The following SYNPR variants were observed in gnomAD, a reference collection of about 807,000 sequenced individuals.
The protein encoded by SYNPR is synaptoporin.
In SYNPR, 23 loss-of-function variants were observed where a neutral mutation model predicts 32.9. The observed-to-expected ratio is 0.70, with a 90% confidence interval of 0.50 to 0.99. The LOEUF is 0.99. SYNPR is among the 50% of genes least tolerant of loss of function. SYNPR has a pLI of 0.00. For missense variants in SYNPR, 318 were observed against 349.3 expected (o/e 0.91, Z 0.71); for synonymous variants, 146 against 135.9 (o/e 1.07, Z -0.52).
intron 2 of SYNPR, among the ~76,000 whole-genome samples, chr3:63,294,690 T>C (rs954481675): frequency 1.3e-5 from 2 of 152,176 alleles, no homozygotes; most frequent in Non-Finnish European, 2.9e-5. Flanking sequence ...ATTTTTAGAA[T>C]GTCAAAGGTA....
At chr3:63,573,303 G>A (rs1702920710) in intron 4 of SYNPR, among the ~76,000 whole-genome samples, 1 of 152,136 alleles carries the variant, frequency 6.6e-6, no homozygotes, top group Non-Finnish European at 1.5e-5. Flanking sequence ...TTGAGAATTA[G>A]CTCAAACTGA....
chr3:63,457,254 C>G (rs970388190), intron 2 of SYNPR, among the ~76,000 whole-genome samples: 1 of 152,154 alleles, frequency 6.6e-6, no homozygotes, highest in Non-Finnish European at 1.5e-5. Context: ...TAAACTCTGA[C>G]TACCCCTCCC....
intron 2 of SYNPR, among the ~76,000 whole-genome samples, chr3:63,375,945 G>C (rs538040859): frequency 1.3e-5 from 2 of 152,094 alleles, no homozygotes; most frequent in South Asian, 2.1e-4. Flanking sequence ...CTTAAAACCT[G>C]CTTCTCCTCC....
chr3:63,448,049 G>T (rs976172691), intron 2 of SYNPR, among the ~76,000 whole-genome samples: 3 of 148,710 alleles, frequency 2.0e-5, no homozygotes, highest in Non-Finnish European at 4.5e-5. Flanking sequence ...TGCCTCCCAG[G>T]CTGGAGTGCA....
intron 2 of SYNPR, among the ~76,000 whole-genome samples, chr3:63,345,441 C>A (rs1165611364): frequency 6.6e-6 from 1 of 152,202 alleles, no homozygotes; most frequent in African/African-American, 2.4e-5. Context: ...AGGGCTGTCT[C>A]CATCCCTGGG....
intron 4 of SYNPR, among the ~76,000 whole-genome samples, chr3:63,557,686 C>T (rs370824969): frequency 7.9e-5 from 12 of 152,106 alleles, no homozygotes; most frequent in East Asian, 3.9e-4. Context: ...TGTTACTATG[C>T]GATGTGGGAC....
chr3:63,571,659 G>C (rs1702888932), intron 4 of SYNPR, among the ~76,000 whole-genome samples: 1 of 152,026 alleles, frequency 6.6e-6, no homozygotes, highest in African/African-American at 2.4e-5. Flanking sequence ...CTACCACGTG[G>C]AATAAAAGAA....
intron 4 of SYNPR, among the ~76,000 whole-genome samples, chr3:63,603,317 T>C (rs1404504161): frequency 2.0e-5 from 3 of 152,208 alleles, no homozygotes; most frequent in African/African-American, 4.8e-5. Context: ...CCTCTCTTCC[T>C]ATTTGGATGC....
chr3:63,500,237 C>A (rs1701454187), intron 3 of SYNPR, among the ~76,000 whole-genome samples: 1 of 152,128 alleles, frequency 6.6e-6, no homozygotes, highest in Non-Finnish European at 1.5e-5. Context: ...AACGATAATA[C>A]CCTTGAAACA....
At chr3:63,500,947 C>G (rs1701465091) in intron 3 of SYNPR, among the ~76,000 whole-genome samples, 1 of 152,104 alleles carries the variant, frequency 6.6e-6, no homozygotes. Context: ...CTCTCTGAAC[C>G]TATTTTCTAA....
chr3:63,203,068 G>GTATATATATA, the SYNPR span: 222 of 108,470 alleles, frequency 2.0e-3, 2 homozygotes, highest in Middle Eastern at 4.5e-3. Context: ...ATATGTATGT[G>GTATATATATA]TATATATATA....
chr3:63,335,023 A>G (rs1020510485), intron 2 of SYNPR, among the ~76,000 whole-genome samples: 2 of 152,134 alleles, frequency 1.3e-5, no homozygotes, highest in African/African-American at 4.8e-5. Context: ...ACAACTGTTA[A>G]TAGGTTGATG....
chr3:63,389,756 C>T (rs1275807058), intron 2 of SYNPR, among the ~76,000 whole-genome samples: 2 of 152,186 alleles, frequency 1.3e-5, no homozygotes, highest in South Asian at 2.1e-4. Context: ...TCTTTTCAGA[C>T]CAAGGTGAAA....
intron 3 of SYNPR, among the ~76,000 whole-genome samples, chr3:63,500,482 G>T (rs1203244618): frequency 2.0e-5 from 3 of 152,078 alleles, no homozygotes; most frequent in Non-Finnish European, 4.4e-5. Flanking sequence ...ACCTTACAAG[G>T]TGATTACAGA....
rs564617899 is a variant in SYNPR at position 63,531,762 on chromosome 3, C to G, written c.210-24781C>G. ...TGGGAACAAATGAGGATCCAGAGAC[C>G]CTCTACCTTTTCCATATTTACTTCC... On this transcript the variant is annotated intron_variant, in intron 3 of 5. Transcript: ENST00000478300. 2.0e-5 allele frequency among the ~76,000 whole-genome samples: 3 copies of G among 152,246 alleles called. No homozygotes were observed. In the South Asian group the frequency reaches 6.2e-4, roughly 32 times the overall value.
chr3:63,365,257 G>C (rs2087717073), intron 2 of SYNPR, among the ~76,000 whole-genome samples: 1 of 152,076 alleles, frequency 6.6e-6, no homozygotes, highest in Non-Finnish European at 1.5e-5. Context: ...AACTTTGAAG[G>C]TTGTGTTCAA....
chr3:63,284,576 A>G (rs7611443), intron 2 of SYNPR, among the ~76,000 whole-genome samples: 47,679 of 152,070 alleles, frequency 0.31, 7,798 homozygotes, highest in South Asian at 0.46. Flanking sequence ...AAGATGCAGC[A>G]TGTCGATATG....
intron 2 of SYNPR, among the ~76,000 whole-genome samples, chr3:63,389,383 A>T (rs1451309): frequency 0.54 from 82,552 of 152,034 alleles, 23,315 homozygotes; most frequent in African/African-American, 0.71. Flanking sequence ...CATTGGCTTC[A>T]TTCTCAGGCA....
the SYNPR span, among the ~76,000 whole-genome samples, chr3:63,202,802 G>A: frequency 6.6e-6 from 1 of 151,892 alleles, no homozygotes; most frequent in East Asian, 1.9e-4. Flanking sequence ...CCCCAAGAAA[G>A]AAGAAAGCTC....
Sources: gnomAD v4.1 joint callset for allele counts (sites outside exome capture counted in the v4.1 genomes callset) on GRCh38, gnomAD v4.1.1 for gene constraint, MANE v1.5 for transcripts, NCBI Gene and HGNC (gene_info 2026-07-23, HGNC 2026-07-21) for gene names.